PRKN: variants seen among roughly 807,000 people sequenced by gnomAD.
PRKN encodes parkin RBR E3 ubiquitin protein ligase.
A neutral mutation model predicts 59.5 loss-of-function variants in PRKN; 56 were observed. That is an observed-to-expected ratio of 0.94 (90% confidence interval 0.76 to 1.18). The LOEUF is 1.18. PRKN is among the 50% of genes most tolerant of loss of function. PRKN has a pLI of 0.00. For synonymous variants in PRKN, 250 were observed against 222.1 expected (o/e 1.13, Z -1.12); for missense variants, 657 against 596.4 (o/e 1.10, Z -1.06).
At chr6:161,507,034 G>T (rs1165015616) in intron 9 of PRKN, among the ~76,000 whole-genome samples, 1 of 152,214 alleles carries the variant, frequency 6.6e-6, no homozygotes, top group Non-Finnish European at 1.5e-5. Context: ...GCTCCCAGGA[G>T]TGGGTCTCAA....
intron 1 of PRKN, among the ~76,000 whole-genome samples, chr6:162,597,486 T>G (rs1583877494): frequency 6.6e-6 from 1 of 152,340 alleles, no homozygotes; most frequent in Non-Finnish European, 1.5e-5. Context: ...TAGTTTTGAT[T>G]CACAGATTTG....
At position 162,156,632 on chromosome 6, in the gene PRKN, C is replaced by G. The variant is rs560098003; in HGVS notation, c.534+44499G>C. 2.0e-5 allele frequency among the ~76,000 whole-genome samples: 3 copies of G among 152,294 alleles called. No homozygotes were observed. In the South Asian group the frequency reaches 6.2e-4, roughly 32 times the overall value. ...TGCTTTATTATGGCCACATTGGCAGCTGATTAGATTGTGCCCACCCAGATT... is the reference window on the plus strand; with the variant it reads ...TGCTTTATTATGGCCACATTGGCAGGTGATTAGATTGTGCCCACCCAGATT... On this transcript the variant is annotated intron_variant, in intron 4 of 11. Coordinates refer to ENST00000366898, the MANE Select transcript of PRKN (RefSeq NM_004562.3).
chr6:162,568,197 GGTCT>G (rs1780158274), intron 1 of PRKN, among the ~76,000 whole-genome samples: 1 of 152,154 alleles, frequency 6.6e-6, no homozygotes, highest in Admixed American at 6.5e-5. Flanking sequence ...CCAGGACACT[GGTCT>G]GTCTGGGTAA....
At chr6:162,283,057 T>A (rs777264208) in intron 2 of PRKN, among the ~76,000 whole-genome samples, 1 of 152,110 alleles carries the variant, frequency 6.6e-6, no homozygotes, top group Non-Finnish European at 1.5e-5. Flanking sequence ...GAATGGAATT[T>A]TTTTTCTACT....
chr6:161,570,604 T>A (rs186343251), intron 7 of PRKN, among the ~76,000 whole-genome samples: 36 of 152,156 alleles, frequency 2.4e-4, no homozygotes, highest in Middle Eastern at 3.4e-3. Context: ...TTTCTCTTCC[T>A]GATGATTTTC....
At chr6:162,604,758 C>T (rs1000553712) in intron 1 of PRKN, among the ~76,000 whole-genome samples, 1 of 151,188 alleles carries the variant, frequency 6.6e-6, no homozygotes, top group African/African-American at 2.4e-5. Context: ...CAGTAAAACC[C>T]CAGGACAAGA....
intron 1 of PRKN, among the ~76,000 whole-genome samples, chr6:162,635,596 A>G (rs1267146977): frequency 1.2e-4 from 3 of 24,176 alleles, no homozygotes; most frequent in African/African-American, 1.1e-3. Flanking sequence ...TTATTTTATT[A>G]TAATAATATT....
intron 9 of PRKN, among the ~76,000 whole-genome samples, chr6:161,443,079 G>T (rs12527666): frequency 6.6e-6 from 1 of 152,044 alleles, no homozygotes; most frequent in Non-Finnish European, 1.5e-5. Context: ...AGGCCAAGGC[G>T]GGTGGATCAC....
intron 9 of PRKN, among the ~76,000 whole-genome samples, chr6:161,496,711 C>A (rs1340461212): frequency 1.3e-5 from 2 of 152,154 alleles, no homozygotes; most frequent in African/African-American, 4.8e-5. Context: ...ACAGCCAAAC[C>A]ATATCATAAG....
intron 4 of PRKN, among the ~76,000 whole-genome samples, chr6:162,078,252 T>G (rs778913023): frequency 7.2e-5 from 11 of 152,060 alleles, no homozygotes; most frequent in Non-Finnish European, 1.0e-4. Flanking sequence ...ATGACTTTAG[T>G]GCATGGATAC....
rs758048810 is a variant in PRKN, at chr6:161,973,349, G to A, written c.687C>T (p.Ile229=). Reference sequence around the variant, plus strand: ...AAGTGATGTTCCGACTATTTGTTGCGATCAGGTGCAAAGCTACTGATGTTT... The same window carrying A: ...AAGTGATGTTCCGACTATTTGTTGCAATCAGGTGCAAAGCTACTGATGTTT... ...DKETSVALHL[I]ATNSRNITCI... The change falls in exon 6 of 12, where the codon ATC becomes ATT. Residue 229 remains isoleucine, a synonymous_variant. Transcript: ENST00000366898. The A allele has an allele frequency of 1.1e-5, 17 of 1,613,792 alleles. No homozygotes were observed. In the South Asian group the frequency reaches 1.4e-4, roughly 14 times the overall value.
chr6:162,122,510 C>T (rs12195520), intron 4 of PRKN, among the ~76,000 whole-genome samples: 3 of 152,224 alleles, frequency 2.0e-5, no homozygotes, highest in African/African-American at 7.2e-5. Context: ...ATCCTAGTCA[C>T]GATATGGCAC....
chr6:162,285,230 A>C (rs913288126), intron 2 of PRKN, among the ~76,000 whole-genome samples: 2 of 149,676 alleles, frequency 1.3e-5, no homozygotes, highest in Non-Finnish European at 3.0e-5. Flanking sequence ...CTATAGCAGC[A>C]GGCATGTATC....
intron 3 of PRKN, among the ~76,000 whole-genome samples, chr6:162,244,659 T>TA (rs146549129): frequency 0.055 from 8,403 of 151,952 alleles, 265 homozygotes; most frequent in Non-Finnish European, 0.064. Flanking sequence ...ACCAAAAAAA[T>TA]AAAAAAAGAT....
rs1039994381 is a variant in PRKN, at chr6:162,208,245, C to T, written c.413-6993G>A. The stretch of plus-strand genomic sequence containing the variant: ...CAAACTGCCTGTTCCATGCTTTTAA[C>T]GAGCCATAAACTTAACTCCTGTGGA... On this transcript the variant is annotated intron_variant, in intron 3 of 11. Transcript: ENST00000366898. Among the ~76,000 whole-genome samples, 21 of 152,246 alleles carry T rather than the reference C, an allele frequency of 1.4e-4. 1 individual carries two copies. The highest frequency in any genetic ancestry group is 5.8e-4 in the East Asian group (3 of 5,168).
intron 4 of PRKN, among the ~76,000 whole-genome samples, chr6:162,135,912 T>C (rs556294023): frequency 8.5e-5 from 13 of 152,066 alleles, no homozygotes; most frequent in Admixed American, 2.0e-4. Context: ...ATTTACATTC[T>C]ACAAAAGCGC....
chr6:162,161,398 T>C (rs1782751675), intron 4 of PRKN, among the ~76,000 whole-genome samples: 2 of 152,204 alleles, frequency 1.3e-5, no homozygotes, highest in African/African-American at 4.8e-5. Context: ...CCCTCCCTTA[T>C]CTGCGGTTTT....
chr6:162,606,718 T>C (rs147922923), intron 1 of PRKN, among the ~76,000 whole-genome samples: 386 of 152,162 alleles, frequency 2.5e-3, no homozygotes, highest in Middle Eastern at 6.8e-3. Context: ...TTGAGCAGTA[T>C]AGTTATTTAT....
intron 2 of PRKN, among the ~76,000 whole-genome samples, chr6:162,281,082 T>C (rs1410612537): frequency 6.6e-6 from 1 of 152,116 alleles, no homozygotes; most frequent in Non-Finnish European, 1.5e-5. Context: ...TAGTATTCCA[T>C]GGTGTACAAA....
Sources: allele counts gnomAD v4.1 joint callset (sites outside exome capture counted in the v4.1 genomes callset), GRCh38; gene constraint gnomAD v4.1.1; transcripts MANE v1.5; gene names NCBI Gene and HGNC (gene_info 2026-07-23, HGNC 2026-07-21).